Variants in CFAP47 observed in about 807,000 individuals in gnomAD.
CFAP47 encodes the protein cilia- and flagella-associated protein 47.
Under a neutral mutation model 148.1 loss-of-function variants are expected in CFAP47, and 29 were observed. The observed-to-expected ratio is 0.20, with a 90% CI of 0.15 to 0.27. CFAP47 has a LOEUF of 0.27. Ranked by LOEUF, CFAP47 falls within the 10% of genes least tolerant of loss-of-function variation. CFAP47 has a pLI of 1.00. For synonymous variants in CFAP47, 664 were observed against 577.3 expected (o/e 1.15, Z -2.15); for missense variants, 1,872 against 1,697.5 (o/e 1.10, Z -1.81).
chrX:36,054,191 A>G (rs1157180867), intron 26 of CFAP47, among the ~76,000 whole-genome samples: 6 of 111,840 alleles, frequency 5.4e-5, no homozygotes, highest in Non-Finnish European at 1.1e-4. Context: ...AGCCCTCTCC[A>G]TCTCATCTTC....
intron 57 of CFAP47, among the ~76,000 whole-genome samples, chrX:36,322,171 A>G (rs917511838): frequency 5.4e-5 from 6 of 111,259 alleles, no homozygotes; most frequent in African/African-American, 2.0e-4. Flanking sequence ...CAGATCATAT[A>G]TATACTTTTC....
chrX:36,295,114 T>A (rs1361606491), intron 51 of CFAP47, among the ~76,000 whole-genome samples: 2 of 112,167 alleles, frequency 1.8e-5, no homozygotes, highest in African/African-American at 6.5e-5. Context: ...TTGGGATACC[T>A]TATAAAATAA....
intron 28 of CFAP47, among the ~76,000 whole-genome samples, chrX:36,072,549 A>AT (rs1806850402): frequency 8.9e-6 from 1 of 111,878 alleles, no homozygotes; most frequent in Non-Finnish European, 1.9e-5. Flanking sequence ...AATAATGAAC[A>AT]TTTTTCTTTT....
intron 61 of CFAP47, among the ~76,000 whole-genome samples, chrX:36,362,310 T>C (rs1556019419): frequency 8.9e-6 from 1 of 112,598 alleles, no homozygotes; most frequent in Non-Finnish European, 1.9e-5. Context: ...GGTAGCTTTT[T>C]AACCTATCCC....
intron 29 of CFAP47, among the ~76,000 whole-genome samples, chrX:36,080,116 C>T (rs906668764): frequency 9.0e-6 from 1 of 111,425 alleles, no homozygotes; most frequent in Non-Finnish European, 1.9e-5. Flanking sequence ...AAAAAGTGGG[C>T]AAAGGATATG....
intron 48 of CFAP47, among the ~76,000 whole-genome samples, chrX:36,245,064 T>C (rs1940598602): frequency 8.9e-6 from 1 of 111,993 alleles, no homozygotes; most frequent in Admixed American, 9.5e-5. Flanking sequence ...CATACACAAA[T>C]CAATAAATGT....
In CFAP47 at chrX:36,299,579, A is replaced by T. The variant is rs146658049; in HGVS notation, c.7862+427A>T. Among the ~76,000 whole-genome samples, 541 of 111,855 alleles carry T rather than the reference A, an allele frequency of 4.8e-3. 5 individuals carry two copies. Among genetic ancestry groups the T allele is most frequent in the African/African-American group, 0.016 (493 of 30,828 alleles). On this transcript the variant is annotated intron_variant, in intron 52 of 63. Coordinates refer to ENST00000378653, the MANE Select transcript of CFAP47 (RefSeq NM_001304548.2). ...AATTAAAGTAATTAATTACAGTCAT[A>T]ATGTCCTACAATACATATCTTGAAC...
intron 3 of CFAP47, among the ~76,000 whole-genome samples, chrX:35,944,826 C>G (rs1182661188): frequency 1.8e-5 from 2 of 111,206 alleles, no homozygotes; most frequent in African/African-American, 6.5e-5. Context: ...GTGAGGGACC[C>G]CTCATCGCAG....
At chrX:36,030,536 G>A (rs957175630) in intron 22 of CFAP47, among the ~76,000 whole-genome samples, 1 of 110,616 alleles carries the variant, frequency 9.0e-6, no homozygotes, top group African/African-American at 3.3e-5. Flanking sequence ...TATCCCACAT[G>A]TCCTGGCCCC....
At chrX:36,080,530 C>A (rs1015589045) in intron 29 of CFAP47, among the ~76,000 whole-genome samples, 2 of 111,639 alleles carry the variant, frequency 1.8e-5, no homozygotes, top group African/African-American at 6.5e-5. Flanking sequence ...GGAACTAACC[C>A]AAATGTCCAT....
In CFAP47 at chrX:36,072,802, C is replaced by A. The variant is rs112661860; in HGVS notation, c.4466-337C>A. On this transcript the variant is annotated intron_variant, in intron 28 of 63. Transcript: ENST00000378653. ...AGATGAGATTAAATTTTTTCTAATA[C>A]ATAATGCTGAAGATTGTCAATACAT... Among the ~76,000 whole-genome samples the A allele has an allele frequency of 9.5e-3, 1,062 of 111,360 alleles. 8 individuals are homozygous for A. The highest frequency in any genetic ancestry group is 0.033 in the African/African-American group (1,003 of 30,705).
intron 18 of CFAP47, among the ~76,000 whole-genome samples, chrX:35,994,076 CA>C (rs748973361): frequency 1.8e-5 from 2 of 110,377 alleles, no homozygotes; most frequent in East Asian, 5.7e-4. Context: ...TCTTGGCTAA[CA>C]TGGTGAAACC....
chrX:36,205,585 T>C (rs1940030753), intron 45 of CFAP47, among the ~76,000 whole-genome samples: 1 of 111,501 alleles, frequency 9.0e-6, no homozygotes, highest in African/African-American at 3.3e-5. Context: ...GGATTTTTAT[T>C]GAATACTGTA....
intron 15 of CFAP47, among the ~76,000 whole-genome samples, chrX:35,976,848 C>T (rs1936577857): frequency 9.0e-6 from 1 of 111,558 alleles, no homozygotes; most frequent in Non-Finnish European, 1.9e-5. Flanking sequence ...CTCAGATATA[C>T]CATTTTTGAC....
intron 51 of CFAP47, among the ~76,000 whole-genome samples, chrX:36,293,454 G>T (rs1194704381): frequency 3.6e-5 from 4 of 112,456 alleles, no homozygotes; most frequent in African/African-American, 1.3e-4. Flanking sequence ...GATTCAGGGA[G>T]CAAGGCTCGT....
chrX:35,948,261 C>T, intron 3 of CFAP47, 53 bp from the exon 4 acceptor site: 2 of 1,075,760 alleles, frequency 1.9e-6, no homozygotes, highest in South Asian at 2.1e-5. Context: ...TGAGAGTGTA[C>T]ATGCAACATT....
chrX:36,126,677 CT>C (rs1390469002), intron 33 of CFAP47, among the ~76,000 whole-genome samples: 1 of 112,200 alleles, frequency 8.9e-6, no homozygotes, highest in East Asian at 2.8e-4. Context: ...ACCACACTGT[CT>C]TCCACAATGG....
Position 36,065,688 on chromosome X carries a change from T to C in CFAP47, c.4263T>C (p.Thr1421=). ...VTATAENCIL[T]IYPYMAIHLD... is the part of the protein sequence containing the mutation. ...CAACAGCAGAAAACTGCATTCTTAC[T>C]ATTTACCCATATATGGCAATTCATC... The change falls in exon 27 of 64, where the codon ACT becomes ACC. Residue 1421 remains threonine, a synonymous_variant. Transcript: ENST00000378653. The C allele has an allele frequency of 8.3e-7, 1 of 1,197,769 alleles. No homozygotes were observed. The highest frequency in any genetic ancestry group is 1.8e-5 in the South Asian group (1 of 56,054).
chrX:36,279,960 T>TCCCAAAGTG (rs1378994398), intron 49 of CFAP47, among the ~76,000 whole-genome samples: 3 of 111,091 alleles, frequency 2.7e-5, no homozygotes, highest in Admixed American at 1.9e-4. Flanking sequence ...CTCCTCAGCC[T>TCCCAAAGTG]CCCAAAGTGC....
Sources: gnomAD v4.1 joint callset for allele counts (sites outside exome capture counted in the v4.1 genomes callset) on GRCh38, gnomAD v4.1.1 for gene constraint, MANE v1.5 for transcripts, NCBI Gene and HGNC (gene_info 2026-07-23, HGNC 2026-07-21) for gene names.